The following PEX1 variants were observed in gnomAD, a reference collection of about 807,000 sequenced individuals.
PEX1 encodes the protein peroxisomal biogenesis factor 1, also known as peroxisomal ATPase PEX1.
Under a neutral mutation model 152.5 loss-of-function variants are expected in PEX1, and 97 were observed. That is an observed-to-expected ratio of 0.64 (90% CI 0.54 to 0.75). PEX1 has a LOEUF of 0.75. Ranked by LOEUF, PEX1 falls within the 30% of genes least tolerant of loss-of-function variation. PEX1 has a pLI of 0.00. For synonymous variants in PEX1, 485 were observed against 531.6 expected (o/e 0.91, Z 1.21); for missense variants, 1,357 against 1,516.3 (o/e 0.89, Z 1.74).
At chr7:92,490,632 C>CAAAAAAA (rs35917694) in intron 21 of PEX1, among the ~76,000 whole-genome samples, 1 of 79,656 alleles carries the variant, frequency 1.3e-5, no homozygotes, top group African/African-American at 5.0e-5. Flanking sequence ...GAGACTGTCT[C>CAAAAAAA]AAAAAAAAAA....
intron 1 of PEX1, among the ~76,000 whole-genome samples, chr7:92,525,875 G>A (rs1210498717): frequency 6.6e-6 from 1 of 152,216 alleles, no homozygotes; most frequent in Non-Finnish European, 1.5e-5. Flanking sequence ...GTGGGCAACA[G>A]AGAATTGGAA....
chr7:92,504,608 G>T lies in PEX1; in HGVS notation c.2071+124C>A, dbSNP rs935146451. On this transcript the variant is annotated intron_variant, in intron 12 of 23. Coordinates refer to ENST00000248633, the MANE Select transcript of PEX1 (RefSeq NM_000466.3). ...GGACAACTGTAGAATGCCATCAGGG[G>T]CCTCAAACACAACACTTAACATAAC... The T allele has an allele frequency of 1.1e-5, 11 of 959,730 alleles. No individual in the cohort carries two copies. The South Asian group carries it at 1.3e-4, about 11-fold the overall frequency. The allele number at this position is 959,730 out of a possible 1,614,324, so 59.5% of individuals were successfully genotyped here.
intron 19 of PEX1, 60 bp downstream of exon 19, chr7:92,494,233 G>C: frequency 8.0e-7 from 1 of 1,248,178 alleles, no homozygotes; most frequent in Non-Finnish European, 1.2e-6. Context: ...CAGAAGTAAA[G>C]CTCACAAGGA....
rs780611674 is a variant in PEX1 at position 92,513,930 on chromosome 7, A to G, written c.1277T>C (p.Met426Thr). 1.6e-5 allele frequency: 25 copies of G among 1,589,244 alleles called. No individual in the cohort carries two copies. Among genetic ancestry groups the G allele is most frequent in the Non-Finnish European group, 1.9e-5 (22 of 1,158,740 alleles). The change falls in exon 6 of 24, where the codon ATG (methionine) becomes ACG (threonine). Residue 426 changes from methionine to threonine, a missense_variant. Coordinates refer to ENST00000248633, the MANE Select transcript of PEX1 (RefSeq NM_000466.3). ...TGGAGTTATCCTGACTACGGCATGC[A>G]TTTCTATATTTAGTCTCTTCCTCAG... ...DDLRKRLNIE[M>T]HAVVRITPVE...
At chr7:92,506,146 G>A in intron 11 of PEX1, 102 bp downstream of exon 11, 2 of 709,564 alleles carry the variant, frequency 2.8e-6, no homozygotes, top group South Asian at 3.2e-5. Context: ...AAAAGTTAAA[G>A]ACTAGATGAT....
chr7:92,511,722 G>C lies in PEX1; in HGVS notation c.1360-19C>G, dbSNP rs760820104. The C allele has an allele frequency of 9.3e-6, 15 of 1,604,364 alleles. No homozygotes were observed. The African/African-American group carries it at 1.2e-4, about 13-fold the overall frequency. On this transcript the variant is annotated intron_variant, in intron 6 of 23. Coordinates refer to ENST00000248633, the MANE Select transcript of PEX1 (RefSeq NM_000466.3). ...CTTTAGGCTGCCAGAAAAAGGAATA[G>C]TAATGAATTATCCTCATATCTGAAC...
In PEX1 at chr7:92,489,930, T is replaced by A; in HGVS notation, c.3439-19A>T. 1 of 1,595,402 alleles carries A rather than the reference T, an allele frequency of 6.3e-7. No homozygotes were observed. The highest frequency in any genetic ancestry group is 8.6e-7 in the Non-Finnish European group (1 of 1,163,216). ...GTGAGCTCTGCATGGTAAATTGTAG[T>A]AATGAAAGATGGAAGGAAGAGGGGG... On this transcript the variant is annotated intron_variant, in intron 21 of 23. Coordinates refer to ENST00000248633, the MANE Select transcript of PEX1 (RefSeq NM_000466.3).
At chr7:92,504,450 C>A (rs1019800411) in intron 12 of PEX1, among the ~76,000 whole-genome samples, 18 of 151,728 alleles carry the variant, frequency 1.2e-4, no homozygotes, top group African/African-American at 4.1e-4. Flanking sequence ...AAATATTTGT[C>A]AAATGAACAA....
chr7:92,503,753 C>T (rs1414405909), intron 12 of PEX1, among the ~76,000 whole-genome samples: 2 of 151,914 alleles, frequency 1.3e-5, no homozygotes, highest in Admixed American at 6.6e-5. Context: ...AGTAACAGAT[C>T]GAGTGTAAGA....
intron 1 of PEX1, among the ~76,000 whole-genome samples, chr7:92,523,922 G>A (rs1278438265): frequency 6.6e-6 from 1 of 152,068 alleles, no homozygotes; most frequent in African/African-American, 2.4e-5. Context: ...TATTAGGCCA[G>A]GTGCAGTGGC....
At chr7:92,497,298 T>A (rs1791699846) in intron 16 of PEX1, among the ~76,000 whole-genome samples, 1 of 152,164 alleles carries the variant, frequency 6.6e-6, no homozygotes. Context: ...TCCAAGTGAA[T>A]AAGTGAATGG....
intron 5 of PEX1, among the ~76,000 whole-genome samples, chr7:92,514,909 G>A (rs1043868894): frequency 1.3e-5 from 2 of 151,718 alleles, no homozygotes; most frequent in Non-Finnish European, 2.9e-5. Context: ...AATTAGCCAG[G>A]CGTGGTGGTG....
chr7:92,502,011 G>A lies in PEX1; in HGVS notation c.2295C>T (p.Thr765=), dbSNP rs376748473. The A allele has an allele frequency of 5.0e-6, 8 of 1,612,110 alleles. No individual in the cohort carries two copies. Among genetic ancestry groups the A allele is most frequent in the African/African-American group, 1.3e-5 (1 of 74,856 alleles). The change falls in exon 14 of 24, where the codon ACC becomes ACT. Residue 765 remains threonine (T), a synonymous_variant. Transcript: ENST00000248633. The part of the protein sequence containing the change: ...NKLDCDINKF[T]DLDLQHVAKE... ...TAGCTACATGCTGCAGGTCAAGATC[G>A]GTGAACTTGTTTATATCACAGTCCA... is the stretch of plus-strand genomic sequence containing the variant.
At chr7:92,502,804 C>G (rs1791995168) in intron 13 of PEX1, among the ~76,000 whole-genome samples, 1 of 152,162 alleles carries the variant, frequency 6.6e-6, no homozygotes. Flanking sequence ...TGTTCTTTCT[C>G]ATTCAAAGAA....
At chr7:92,493,814 A>T (rs2116086700) in intron 19 of PEX1, 2 of 187,178 alleles carry the variant, frequency 1.1e-5, no homozygotes, top group South Asian at 2.2e-4. Flanking sequence ...ACCTTTGACT[A>T]TTCATTTGTC....
intron 5 of PEX1, among the ~76,000 whole-genome samples, chr7:92,516,358 C>T (rs923692028): frequency 4.6e-5 from 7 of 151,054 alleles, no homozygotes; most frequent in Admixed American, 3.3e-4. Context: ...ACGTGGGAGG[C>T]GGAGGTTGCA....
At position 92,520,317 on chromosome 7, in the gene PEX1, G is replaced by C. The variant is rs145117698; in HGVS notation, c.274-1239C>G. On this transcript the variant is annotated intron_variant, in intron 2 of 23. Transcript: ENST00000248633. Reference sequence around the variant, plus strand: ...AAGCACCAAAGTTAATGATTTCTAAGGTCCGTCTGGTGCTAAAATTTTAAG... The same window carrying C: ...AAGCACCAAAGTTAATGATTTCTAACGTCCGTCTGGTGCTAAAATTTTAAG... Among the ~76,000 whole-genome samples the C allele has an allele frequency of 5.7e-4, 87 of 152,256 alleles. 1 individual carries two copies. In the East Asian group the frequency reaches 0.017, roughly 29 times the overall value.
chr7:92,517,160 C>A, intron 5 of PEX1, 116 bp downstream of exon 5: 1 of 847,270 alleles, frequency 1.2e-6, no homozygotes, highest in Non-Finnish European at 1.9e-6. Context: ...TGCCTTTAGG[C>A]ACTGTGTTTC....
intron 14 of PEX1, 27 bp from the exon 15 acceptor site, chr7:92,501,700 T>A: frequency 5.7e-6 from 9 of 1,574,836 alleles, no homozygotes; most frequent in Non-Finnish European, 7.0e-6. Context: ...AAAACTTCTT[T>A]TACTAGTTAT....
Sources: allele counts gnomAD v4.1 joint callset (sites outside exome capture counted in the v4.1 genomes callset), GRCh38; gene constraint gnomAD v4.1.1; transcripts MANE v1.5; gene names NCBI Gene and HGNC (gene_info 2026-07-23, HGNC 2026-07-21).